The following LPP variants were observed in gnomAD, a reference collection of about 807,000 sequenced individuals.
LPP encodes the protein LIM domain containing preferred translocation partner in lipoma.
LPP carries 38 observed loss-of-function variants against 60.4 expected under a neutral mutation model. The observed-to-expected ratio is 0.63, with a 90% CI of 0.49 to 0.83. The LOEUF (loss-of-function observed/expected upper bound fraction) is 0.83. LPP is among the 40% of genes least tolerant of loss of function. LPP has a pLI of 0.00. For missense variants in LPP, 902 were observed against 783.6 expected, an observed-to-expected ratio of 1.15 and a Z score of -1.80; for synonymous variants, 328 against 290.8, an observed-to-expected ratio of 1.13 and a Z score of -1.30.
At chr3:188,746,453 A>G (rs946261045) in intron 8 of LPP, 1 of 448,636 alleles carries the variant, frequency 2.2e-6, no homozygotes, top group African/African-American at 2.4e-5. Context: ...AGCAAGCTGT[A>G]TTTGTTGTAA....
chr3:188,354,826 C>CACACGCACAG (rs1767052175), intron 3 of LPP, among the ~76,000 whole-genome samples: 1 of 48,182 alleles, frequency 2.1e-5, no homozygotes, highest in Non-Finnish European at 4.0e-5. Context: ...TGCGCGCACA[C>CACACGCACAG]ACACACACAG....
chr3:188,429,017 A>G (rs1790232388), intron 4 of LPP, among the ~76,000 whole-genome samples: 1 of 152,154 alleles, frequency 6.6e-6, no homozygotes, highest in Non-Finnish European at 1.5e-5. Flanking sequence ...AGGAACAATG[A>G]GGAACAATTA....
At chr3:188,499,372 G>T (rs537351238) in intron 5 of LPP, among the ~76,000 whole-genome samples, 53 of 152,202 alleles carry the variant, frequency 3.5e-4, no homozygotes, top group Admixed American at 5.2e-4. Flanking sequence ...AGCACCATTT[G>T]TTGAAAAGAC....
chr3:188,699,880 G>A (rs1186967452), intron 7 of LPP, among the ~76,000 whole-genome samples: 2 of 152,080 alleles, frequency 1.3e-5, no homozygotes, highest in Admixed American at 6.6e-5. Flanking sequence ...TTCAGTGAGA[G>A]TCAAAAAGTA....
chr3:188,416,155 G>A (rs986397331), intron 4 of LPP, among the ~76,000 whole-genome samples: 2 of 152,066 alleles, frequency 1.3e-5, no homozygotes, highest in East Asian at 3.9e-4. Context: ...ATATCTTAAT[G>A]TATTCTTCTC....
rs1318839090 is a variant in LPP at position 188,875,552 on chromosome 3, T to C, written c.*1073T>C. 4.7e-6 allele frequency: 1 copy of C among 210,872 alleles called. No individual in the cohort carries two copies. Among genetic ancestry groups the C allele is most frequent in the African/African-American group, 2.3e-5 (1 of 44,058 alleles). The allele number at this position is 210,872 out of a possible 1,614,324, so 13.1% of individuals were successfully genotyped here. On this transcript the variant is annotated 3_prime_UTR_variant, in exon 12 of 12. Transcript: ENST00000617246. ...ACAAAATAAAACTGTGCAGTTTTGT[T>C]TGGTTTACTTTCAAAAGAGTAGAAA...
chr3:188,240,292 C>G (rs756001765), intron 2 of LPP: 5 of 165,814 alleles, frequency 3.0e-5, no homozygotes, highest in Admixed American at 6.4e-5. Flanking sequence ...TAGCTTACAG[C>G]TTGCCTAACA....
chr3:188,562,603 C>T (rs1247565830), intron 6 of LPP, among the ~76,000 whole-genome samples: 16 of 151,974 alleles, frequency 1.1e-4, no homozygotes. Context: ...ACTGTGTCAG[C>T]CTGCCAGATG....
At chr3:188,691,044 T>A (rs947880943) in intron 7 of LPP, among the ~76,000 whole-genome samples, 12 of 152,210 alleles carry the variant, frequency 7.9e-5, no homozygotes, top group African/African-American at 2.9e-4. Flanking sequence ...CCTGTCAGTT[T>A]AAGCTACTGT....
chr3:188,676,355 T>C (rs1280640348), intron 7 of LPP, among the ~76,000 whole-genome samples: 8 of 152,156 alleles, frequency 5.3e-5, no homozygotes, highest in Non-Finnish European at 1.2e-4. Flanking sequence ...GTCTACTCCG[T>C]GTCGCCACAT....
intron 6 of LPP, among the ~76,000 whole-genome samples, chr3:188,567,573 G>A (rs78328722): frequency 0.031 from 4,736 of 151,984 alleles, 112 homozygotes; most frequent in African/African-American, 0.059. Flanking sequence ...CTGTCATACA[G>A]TTGGTCTTAT....
At chr3:188,156,856 C>CG (rs1358608761) in intron 1 of LPP, among the ~76,000 whole-genome samples, 14 of 151,578 alleles carry the variant, frequency 9.2e-5, no homozygotes, top group Admixed American at 2.0e-4. Context: ...GCCCCACCCC[C>CG]CCAAGAAAAA....
At chr3:188,221,090 C>A (rs927486623) in intron 1 of LPP, among the ~76,000 whole-genome samples, 1 of 152,204 alleles carries the variant, frequency 6.6e-6, no homozygotes, top group Admixed American at 6.5e-5. Flanking sequence ...CTGCCACATC[C>A]CTTTCCAGGC....
chr3:188,179,740 G>A (rs1577137799), intron 1 of LPP: 1 of 337,440 alleles, frequency 3.0e-6, no homozygotes, highest in East Asian at 8.2e-5. Context: ...GTCAGTGAGA[G>A]CAGTAGTTAG....
Position 188,154,203 on chromosome 3 carries a change from G to GCCA in LPP, c.-237_-236insACC. On this transcript the variant is annotated 5_prime_UTR_variant, in exon 1 of 12. Transcript: ENST00000617246. ...TCCGCCTCCAGCCGCCGCCGCCGCC[G>GCCA]CCGCCGCCGCCACCACCACCGCCGC... 2 of 222,452 alleles carry GCCA rather than the reference G, an allele frequency of 9.0e-6. No individual in the cohort carries two copies. Among genetic ancestry groups the GCCA allele is most frequent in the Non-Finnish European group, 1.7e-5 (2 of 115,188 alleles). The allele number at this position is 222,452 out of a possible 1,614,324, so 13.8% of individuals were successfully genotyped here.
rs144005442 is a variant in LPP at position 188,781,454 on chromosome 3, G to T, written c.1410+21172G>T. On this transcript the variant is annotated intron_variant, in intron 9 of 11. Transcript: ENST00000617246. Reference sequence around the variant, plus strand: ...TGATACTGGGCAATTATAAAGAAAAGAGGTTTAATTGGCTCACAGTTCCAC... The same window carrying T: ...TGATACTGGGCAATTATAAAGAAAATAGGTTTAATTGGCTCACAGTTCCAC... 6.8e-3 allele frequency among the ~76,000 whole-genome samples: 1,037 copies of T among 152,248 alleles called. 7 individuals are homozygous for T. The highest frequency in any genetic ancestry group is 0.011 in the Non-Finnish European group (781 of 68,018).
chr3:188,210,887 G>A (rs1031204245), intron 1 of LPP, among the ~76,000 whole-genome samples: 12 of 151,926 alleles, frequency 7.9e-5, no homozygotes, highest in Non-Finnish European at 1.5e-4. Context: ...GACGTCCCAC[G>A]CCCACCCGCT....
chr3:188,690,326 G>A (rs17607987), intron 7 of LPP, among the ~76,000 whole-genome samples: 2,778 of 152,252 alleles, frequency 0.018, 38 homozygotes, highest in Middle Eastern at 0.048. Context: ...TCCTTTGGAG[G>A]TTAGAGCTTG....
At chr3:188,174,790 T>C (rs1722594139) in intron 1 of LPP, among the ~76,000 whole-genome samples, 1 of 152,162 alleles carries the variant, frequency 6.6e-6, no homozygotes, top group South Asian at 2.1e-4. Context: ...GTCCAGCATA[T>C]TAATACCACC....
Sources: allele counts gnomAD v4.1 joint callset (sites outside exome capture counted in the v4.1 genomes callset), GRCh38; gene constraint gnomAD v4.1.1; transcripts MANE v1.5; gene names NCBI Gene and HGNC (gene_info 2026-07-23, HGNC 2026-07-21).